KCTD2: variants seen among roughly 807,000 people sequenced by gnomAD.
KCTD2 encodes BTB/POZ domain-containing protein KCTD2.
Under a neutral mutation model 27.9 loss-of-function variants are expected in KCTD2, and 18 were observed. The observed-to-expected ratio is 0.64, with a 90% CI of 0.45 to 0.96. KCTD2 has a LOEUF of 0.96. KCTD2 is among the 40% of genes least tolerant of loss of function. The pLI is 0.00. For missense variants in KCTD2, 280 were observed against 348.0 expected (o/e 0.80, Z 1.56); for synonymous variants, 175 against 148.4 (o/e 1.18, Z -1.30).
At chr17:75,059,448 T>A (rs2073381911) in intron 3 of KCTD2, 62 bp from the exon 4 acceptor site, 1 of 1,132,598 alleles carries the variant, frequency 8.8e-7, no homozygotes, top group East Asian at 2.5e-5. Flanking sequence ...AGAGCCTCCT[T>A]GGGGCAGCTG....
intron 2 of KCTD2, among the ~76,000 whole-genome samples, chr17:75,052,746 C>T (rs1039873737): frequency 6.6e-6 from 1 of 151,822 alleles, no homozygotes; most frequent in Non-Finnish European, 1.5e-5. Context: ...AAAATAGAAA[C>T]AGCCGGGTGT....
upstream of KCTD2, chr17:75,042,707 T>C: frequency 6.5e-7 from 1 of 1,549,638 alleles, no homozygotes; most frequent in Non-Finnish European, 8.7e-7. Context: ...GAGGTGAATT[T>C]TCAGTTGGGA....
chr17:75,039,089 T>C, intron 3 of KCTD2: 1 of 1,613,436 alleles, frequency 6.2e-7, no homozygotes, highest in South Asian at 1.1e-5. Flanking sequence ...ATGTGTTTAG[T>C]TAATGTAAAC....
chr17:75,054,061 A>G (rs1294752270), intron 3 of KCTD2, among the ~76,000 whole-genome samples: 2 of 151,828 alleles, frequency 1.3e-5, no homozygotes, highest in East Asian at 3.9e-4. Context: ...CCCGTTGCCC[A>G]GGTTGGAGTG....
upstream of KCTD2, chr17:75,047,187 C>T: frequency 2.0e-6 from 1 of 493,320 alleles, no homozygotes; most frequent in Non-Finnish European, 3.0e-6. Flanking sequence ...GCCCGGCTCT[C>T]CCTGCCGAGA....
At position 75,059,632 on chromosome 17, in the gene KCTD2, C is replaced by T. The variant is rs201426255; in HGVS notation, c.636+27C>T. 455 of 1,572,854 alleles carry T rather than the reference C, an allele frequency of 2.9e-4. 2 individuals are homozygous for T. In the African/African-American group the frequency reaches 5.4e-3, roughly 19 times the overall value. ...TACATCTCTTAACAGAGCAGCAATC[C>T]CAGGCCCCGTTCAAGGGGTCTGCAG... On this transcript the variant is annotated intron_variant, in intron 4 of 5. Transcript: ENST00000322444.
chr17:75,051,451 A>ATT lies in KCTD2; in HGVS notation c.449-1557_449-1556dup, dbSNP rs1435623904. On this transcript the variant is annotated intron_variant, in intron 2 of 5. Transcript: ENST00000322444. ...AGGTGCATGCCACCACGCCTGGCTA[A>ATT]TTTTTTTATTTTTGGTAGAGACGGG... is the stretch of plus-strand genomic sequence containing the variant. 2.6e-5 allele frequency among the ~76,000 whole-genome samples: 4 copies of ATT among 151,082 alleles called. No homozygotes were observed. In the East Asian group the frequency reaches 7.8e-4, roughly 30 times the overall value.
Position 75,032,806 on chromosome 17 carries a change from T to G in KCTD2, c.-470+82T>G, listed in dbSNP as rs963858106. 1 of 152,368 alleles carries G rather than the reference T, an allele frequency of 6.6e-6. No homozygotes were observed. The highest frequency in any genetic ancestry group is 2.4e-5 in the African/African-American group (1 of 41,456). 9.4% of individuals were successfully genotyped at this position (152,368 alleles called of 1,614,324 possible). On this transcript the variant is annotated intron_variant, in intron 1 of 7. Coordinates refer to the KCTD2 transcript ENST00000581589. The surrounding 1 kb of genome is among the most constrained non-coding windows in gnomAD (Gnocchi z 4.8). ...AGCAGGAAAGCAGAGAAGGCATCCC[T>G]GCAGGTTGGCCCTGGGGCAGAGTGC...
rs1024458688 is a variant in KCTD2, at chr17:75,065,553, A to C, written c.*2506A>C. 4 of 152,198 alleles carry C rather than the reference A, an allele frequency of 2.6e-5. No homozygotes were observed. The highest frequency in any genetic ancestry group is 4.8e-5 in the African/African-American group (2 of 41,406). The allele number at this position is 152,198 out of a possible 1,614,324, so 9.4% of individuals were successfully genotyped here. ...GCCCAGGAGTGCCCAGCATCCCCCA[A>C]CTGATGACACAGTAGCACTGATTCT... On this transcript the variant is annotated 3_prime_UTR_variant, in exon 6 of 6. Coordinates refer to ENST00000322444, the MANE Select transcript of KCTD2 (RefSeq NM_015353.3).
At chr17:75,060,654 GGAGGGCGCGCGTGC>G in intron 4 of KCTD2, 1 of 1,536,622 alleles carries the variant, frequency 6.5e-7, no homozygotes, top group South Asian at 1.2e-5. Context: ...GCCCGGCCAG[GGAGGGCGCGCGTGC>G]GAGGGCGGGT....
chr17:75,035,189 C>CG (rs1489009712), intron 2 of KCTD2: 2 of 152,010 alleles, frequency 1.3e-5, no homozygotes, highest in African/African-American at 4.8e-5. Context: ...GTGGTCGGAA[C>CG]GTTTTAATCC....
chr17:75,060,200 TAGGA>T (rs2073389671), intron 4 of KCTD2, among the ~76,000 whole-genome samples: 1 of 152,176 alleles, frequency 6.6e-6, no homozygotes, highest in African/African-American at 2.4e-5. Flanking sequence ...CTTCAAAACA[TAGGA>T]AGGCCAGAGC....
rs1448605243 is a variant in KCTD2 at position 75,034,416 on chromosome 17, C to G, written c.-385+299C>G. On this transcript the variant is annotated intron_variant, in intron 2 of 7. Transcript: ENST00000581589. ...CCGGCACCAAAAGAAACCTTGCGAG[C>G]ACAGCCCCTCTCGACACCCCAGGTG... 6.6e-5 allele frequency among the ~76,000 whole-genome samples: 10 copies of G among 152,302 alleles called. 2 individuals carry two copies. Among genetic ancestry groups the G allele is most frequent in the Admixed American group, 6.5e-4 (10 of 15,302 alleles).
chr17:75,060,684 T>C, intron 4 of KCTD2: 1 of 1,388,784 alleles, frequency 7.2e-7, no homozygotes. Context: ...CGGGTCAGGC[T>C]GCACTCAGGG....
At chr17:75,053,686 G>T (rs979841589) in intron 3 of KCTD2, among the ~76,000 whole-genome samples, 1 of 151,704 alleles carries the variant, frequency 6.6e-6, no homozygotes, top group African/African-American at 2.4e-5. Context: ...CAGGTGATCT[G>T]CCCGCCTCAG....
Position 75,064,210 on chromosome 17 carries a change from A to C in KCTD2, c.*1163A>C, listed in dbSNP as rs1388408973. Reference sequence around the variant, plus strand: ...GAGTGCCATGCTGGCGAGGATCCGGATGCGGCAGCACCCTCTTTCGGGCTG... The same window carrying C: ...GAGTGCCATGCTGGCGAGGATCCGGCTGCGGCAGCACCCTCTTTCGGGCTG... On this transcript the variant is annotated 3_prime_UTR_variant, in exon 6 of 6. Transcript: ENST00000322444. The C allele has an allele frequency of 2.0e-5, 3 of 152,274 alleles. No homozygotes were observed. The highest frequency in any genetic ancestry group is 4.4e-5 in the Non-Finnish European group (3 of 68,106). The allele number at this position is 152,274 out of a possible 1,614,324, so 9.4% of individuals were successfully genotyped here.
chr17:75,060,207 G>A (rs2073389746), intron 4 of KCTD2, among the ~76,000 whole-genome samples: 2 of 152,182 alleles, frequency 1.3e-5, no homozygotes, highest in East Asian at 1.9e-4. Flanking sequence ...ACATAGGAAG[G>A]CCAGAGCGAA....
chr17:75,033,954 G>T (rs1033701252), intron 1 of KCTD2: 1 of 152,290 alleles, frequency 6.6e-6, no homozygotes, highest in African/African-American at 2.4e-5. Context: ...GCCAGGGATT[G>T]TGGGTTCGAG....
At chr17:75,033,994 T>C (rs932419118) in intron 1 of KCTD2, 16 of 152,158 alleles carry the variant, frequency 1.1e-4, no homozygotes, top group African/African-American at 1.4e-4. Flanking sequence ...GAAAGTTCCT[T>C]TTACGGAATT....
Sources: gnomAD v4.1 joint callset for allele counts (sites outside exome capture counted in the v4.1 genomes callset) on GRCh38, gnomAD v4.1.1 for gene constraint, Gnocchi (gnomAD v3.1) non-coding constraint, MANE v1.5 for transcripts, NCBI Gene and HGNC (gene_info 2026-07-23, HGNC 2026-07-21) for gene names.